NTM: variants seen among roughly 807,000 people sequenced by gnomAD.
NTM encodes the protein neurotrimin.
A neutral mutation model predicts 42.1 loss-of-function variants in NTM; 13 were observed. The observed-to-expected ratio is 0.31, with a 90% CI of 0.20 to 0.49. The LOEUF is 0.49. NTM is among the 20% of genes least tolerant of loss of function. The pLI is 0.99. For missense variants in NTM, 373 were observed against 452.8 expected, an observed-to-expected ratio of 0.82 and a Z score of 1.60; for synonymous variants, 187 against 179.2, an observed-to-expected ratio of 1.04 and a Z score of -0.35.
chr11:131,719,626 G>T (rs1210259551), intron 1 of NTM, among the ~76,000 whole-genome samples: 2 of 152,140 alleles, frequency 1.3e-5, no homozygotes, highest in Non-Finnish European at 2.9e-5. Context: ...TTGACAACAA[G>T]CTGTTTCATG....
At chr11:131,519,432 A>G (rs412170) in intron 1 of NTM, among the ~76,000 whole-genome samples, 182 of 125,334 alleles carry the variant, frequency 1.5e-3, no homozygotes, top group Non-Finnish European at 2.0e-3. Flanking sequence ...TTACTTTCAG[A>G]TCTTCATAGG....
intron 1 of NTM, among the ~76,000 whole-genome samples, chr11:131,443,348 A>C (rs1188015067): frequency 6.6e-6 from 1 of 152,218 alleles, no homozygotes; most frequent in African/African-American, 2.4e-5. Context: ...TCAAGCTAGA[A>C]TGCCTGGGTG....
intron 2 of NTM, among the ~76,000 whole-genome samples, chr11:132,121,452 G>T (rs2064810281): frequency 6.6e-6 from 1 of 152,116 alleles, no homozygotes; most frequent in South Asian, 2.1e-4. Context: ...TGCAGGAGAT[G>T]AGGGACAAAT....
chr11:131,858,996 C>A (rs150125336), intron 1 of NTM, among the ~76,000 whole-genome samples: 1 of 152,170 alleles, frequency 6.6e-6, no homozygotes, highest in Admixed American at 6.5e-5. Context: ...AACATCACAA[C>A]CTCAGCCAGT....
At chr11:132,165,967 C>T (rs916605078) in intron 3 of NTM, among the ~76,000 whole-genome samples, 1 of 152,174 alleles carries the variant, frequency 6.6e-6, no homozygotes, top group Non-Finnish European at 1.5e-5. Context: ...ATAATTATTA[C>T]AGCTTGCTCT....
At chr11:132,239,620 T>C (rs189759662) in intron 4 of NTM, among the ~76,000 whole-genome samples, 27 of 152,306 alleles carry the variant, frequency 1.8e-4, no homozygotes, top group African/African-American at 6.3e-4. Context: ...TGGCCAACGG[T>C]ATAAATTGGG....
chr11:131,414,402 A>T (rs1271888392), intron 1 of NTM, among the ~76,000 whole-genome samples: 1 of 152,104 alleles, frequency 6.6e-6, no homozygotes. Context: ...CCAGTCTCTG[A>T]TCCCTCTAAA....
At chr11:132,049,494 G>A (rs1347508004) in intron 2 of NTM, among the ~76,000 whole-genome samples, 3 of 152,326 alleles carry the variant, frequency 2.0e-5, no homozygotes, top group East Asian at 3.9e-4. Flanking sequence ...AACCCTTCTA[G>A]TGAGCAGAGG....
chr11:132,195,703 G>A (rs2080096455), intron 3 of NTM, among the ~76,000 whole-genome samples: 2 of 152,124 alleles, frequency 1.3e-5, no homozygotes, highest in South Asian at 4.2e-4. Context: ...ACAAGCAATG[G>A]GAAAAGGACT....
At chr11:131,604,543 C>A (rs2060764952) in intron 1 of NTM, among the ~76,000 whole-genome samples, 1 of 151,750 alleles carries the variant, frequency 6.6e-6, no homozygotes, top group African/African-American at 2.4e-5. Flanking sequence ...TTCAATTAAT[C>A]TAGGTTTTCT....
intron 1 of NTM, among the ~76,000 whole-genome samples, chr11:131,778,388 G>A (rs1392607528): frequency 6.6e-6 from 1 of 152,188 alleles, no homozygotes; most frequent in African/African-American, 2.4e-5. Context: ...TGATAAAGTT[G>A]AATGAGAAAC....
intron 1 of NTM, among the ~76,000 whole-genome samples, chr11:131,555,378 C>T (rs2055271522): frequency 1.3e-5 from 2 of 152,030 alleles, no homozygotes; most frequent in South Asian, 4.2e-4. Flanking sequence ...GTCATTGGGT[C>T]CTTGTGATTA....
chr11:132,048,020 C>T (rs957410221), intron 2 of NTM, among the ~76,000 whole-genome samples: 1 of 151,578 alleles, frequency 6.6e-6, no homozygotes, highest in Non-Finnish European at 1.5e-5. Flanking sequence ...TTTTATATAG[C>T]TGAGTATGTC....
intron 1 of NTM, among the ~76,000 whole-genome samples, chr11:131,670,945 G>A (rs2070096024): frequency 6.6e-6 from 1 of 152,054 alleles, no homozygotes; most frequent in Non-Finnish European, 1.5e-5. Flanking sequence ...AGGGAATGTG[G>A]CCCCCAGCCC....
chr11:131,456,962 C>T lies in NTM; in HGVS notation c.82+86074C>T, dbSNP rs115662960. 8.2e-3 allele frequency among the ~76,000 whole-genome samples: 1,253 copies of T among 152,262 alleles called. 18 individuals carry two copies. Among genetic ancestry groups the T allele is most frequent in the African/African-American group, 0.029 (1,189 of 41,538 alleles). On this transcript the variant is annotated intron_variant, in intron 1 of 8. Coordinates refer to ENST00000683400, the MANE Select transcript of NTM (RefSeq NM_001352005.2). ...ATGTGTGAGGTCCTATGCTGGATGA[C>T]GGAGGTCCAGCATCATATAAGATGC...
At chr11:131,414,191 C>G (rs1266005615) in intron 1 of NTM, among the ~76,000 whole-genome samples, 1 of 152,308 alleles carries the variant, frequency 6.6e-6, no homozygotes, top group South Asian at 2.1e-4. Flanking sequence ...CAGGTAAACT[C>G]TAGAGACACA....
intron 1 of NTM, among the ~76,000 whole-genome samples, chr11:131,704,782 AT>A (rs1475089059): frequency 1.3e-5 from 2 of 152,332 alleles, no homozygotes; most frequent in East Asian, 3.9e-4. Flanking sequence ...AAAAGAAACC[AT>A]TTTAAAAAAC....
At chr11:131,444,242 G>A (rs1949862405) in intron 1 of NTM, among the ~76,000 whole-genome samples, 1 of 140,582 alleles carries the variant, frequency 7.1e-6, no homozygotes. Flanking sequence ...AAGCCAATAT[G>A]GGGGACAGAA....
chr11:132,028,343 T>C (rs1027077650), intron 2 of NTM, among the ~76,000 whole-genome samples: 1 of 151,860 alleles, frequency 6.6e-6, no homozygotes, highest in Non-Finnish European at 1.5e-5. Flanking sequence ...AGTAAATAGA[T>C]TTTTAGTTTA....
Sources: gnomAD v4.1 joint callset for allele counts (sites outside exome capture counted in the v4.1 genomes callset) on GRCh38, gnomAD v4.1.1 for gene constraint, MANE v1.5 for transcripts, NCBI Gene and HGNC (gene_info 2026-07-23, HGNC 2026-07-21) for gene names.